The following RGS8 variants were observed in gnomAD, a reference collection of about 807,000 sequenced individuals.
RGS8 encodes the protein regulator of G protein signaling 8, also known as regulator of G-protein signaling 8.
A neutral mutation model predicts 21.7 loss-of-function variants in RGS8; 8 were observed. The observed-to-expected ratio is 0.37, with a 90% confidence interval of 0.22 to 0.66. RGS8 has a LOEUF of 0.66. Among genes scored for constraint, RGS8 ranks in the 30% least tolerant of loss-of-function variants. The pLI is 0.59. For synonymous variants in RGS8, 80 were observed against 83.6 expected (o/e 0.96, Z 0.24); for missense variants, 157 against 217.9 (o/e 0.72, Z 1.76).
upstream of RGS8, among the ~76,000 whole-genome samples, chr1:182,688,408 TGAAAGGGAGAA>T (rs1174677138): frequency 1.3e-5 from 2 of 150,948 alleles, no homozygotes; most frequent in African/African-American, 2.4e-5. Context: ...AAGGAAAGAA[TGAAAGGGAGAA>T]GAAAGATGAG....
chr1:182,719,936 T>C, the RGS8 span, among the ~76,000 whole-genome samples: 1 of 152,314 alleles, frequency 6.6e-6, no homozygotes, highest in South Asian at 2.1e-4. Context: ...TTTCTTCTAG[T>C]CTAATCAGTT....
upstream of RGS8, among the ~76,000 whole-genome samples, chr1:182,676,116 C>G (rs72727010): frequency 8.1e-3 from 1,239 of 152,280 alleles, 12 homozygotes; most frequent in South Asian, 0.024. Context: ...TGCAAACTAA[C>G]CCAATAGCCT....
the RGS8 span, among the ~76,000 whole-genome samples, chr1:182,741,917 C>G: frequency 9.9e-5 from 14 of 141,870 alleles, no homozygotes; most frequent in Non-Finnish European, 3.2e-5. Context: ...AGGTGGCTGC[C>G]GGGCGGAGAC....
At chr1:182,744,394 T>C in the RGS8 span, among the ~76,000 whole-genome samples, 2 of 152,146 alleles carry the variant, frequency 1.3e-5, no homozygotes, top group African/African-American at 2.4e-5. Flanking sequence ...TCCCAAAGTG[T>C]TGGGATTACA....
chr1:182,705,220 A>C, the RGS8 span, among the ~76,000 whole-genome samples: 3 of 152,218 alleles, frequency 2.0e-5, no homozygotes, highest in East Asian at 3.8e-4. Context: ...AGCCCATGAC[A>C]CATGGTAAAA....
chr1:182,723,284 C>T, the RGS8 span, among the ~76,000 whole-genome samples: 1 of 152,102 alleles, frequency 6.6e-6, no homozygotes, highest in Non-Finnish European at 1.5e-5. Context: ...AATTACAGTC[C>T]AGCCATCAGT....
the RGS8 span, among the ~76,000 whole-genome samples, chr1:182,717,259 C>A: frequency 6.6e-6 from 1 of 152,184 alleles, no homozygotes. Flanking sequence ...AAAGTGAAAA[C>A]CATCCTCATC....
chr1:182,646,889 G>A (rs774662091), exon 7 of RGS8: 1 of 1,613,982 alleles, frequency 6.2e-7, no homozygotes, highest in Admixed American at 1.7e-5. Flanking sequence ...CTTCCTCGTG[G>A]CTTCTCGGGT....
At chr1:182,692,211 G>A in the RGS8 span, among the ~76,000 whole-genome samples, 2 of 151,914 alleles carry the variant, frequency 1.3e-5, no homozygotes, top group Non-Finnish European at 2.9e-5. Flanking sequence ...CAGCACGTTG[G>A]TCAGGCTGGT....
At chr1:182,750,881 G>T in the RGS8 span, among the ~76,000 whole-genome samples, 1 of 152,160 alleles carries the variant, frequency 6.6e-6, no homozygotes, top group South Asian at 2.1e-4. Flanking sequence ...ACAACTTAAG[G>T]CAGAATGTAA....
chr1:182,689,300 CA>C (rs1557906945), upstream of RGS8, among the ~76,000 whole-genome samples: 25 of 140,200 alleles, frequency 1.8e-4, no homozygotes, highest in Admixed American at 4.3e-4. Context: ...CACACACACA[CA>C]CACACCCCAC....
chr1:182,691,751 G>C, the RGS8 span, among the ~76,000 whole-genome samples: 1 of 151,242 alleles, frequency 6.6e-6, no homozygotes, highest in Non-Finnish European at 1.5e-5. Context: ...CCCCTTGAAA[G>C]CTGGAACAAG....
upstream of RGS8, among the ~76,000 whole-genome samples, chr1:182,675,532 A>T (rs369386622): frequency 3.9e-5 from 6 of 152,180 alleles, no homozygotes; most frequent in East Asian, 5.8e-4. Flanking sequence ...GATGGGCTCC[A>T]TTGCACCTCC....
At position 182,665,852 on chromosome 1, in the gene RGS8, G is replaced by A. The variant is rs1663830920; in HGVS notation, c.193+117C>T. ...AGGCAGGAGGCTCTGTGAGAGCGGG[G>A]CCCACAGAGGTCTGGAACACCTAGT... On this transcript the variant is annotated intron_variant, in intron 5 of 6. Coordinates refer to ENST00000483095, the Ensembl canonical transcript of RGS8. 9.5e-6 allele frequency: 7 copies of A among 738,008 alleles called. No individual in the cohort carries two copies. In the South Asian group the frequency reaches 1.0e-4, roughly 11 times the overall value. 45.7% of individuals were successfully genotyped at this position (738,008 alleles called of 1,614,324 possible).
chr1:182,712,262 G>C, the RGS8 span, among the ~76,000 whole-genome samples: 2 of 152,194 alleles, frequency 1.3e-5, no homozygotes, highest in Non-Finnish European at 2.9e-5. Flanking sequence ...GAAAATGTGA[G>C]TTTTTCCTGA....
chr1:182,677,392 T>C (rs559546766), upstream of RGS8, among the ~76,000 whole-genome samples: 16 of 152,380 alleles, frequency 1.1e-4, no homozygotes, highest in African/African-American at 3.4e-4. Flanking sequence ...TTTTCAACTA[T>C]ATTTTATCAT....
At chr1:182,697,638 A>G in the RGS8 span, among the ~76,000 whole-genome samples, 1 of 152,262 alleles carries the variant, frequency 6.6e-6, no homozygotes, top group South Asian at 2.1e-4. Context: ...CTGAATCCTT[A>G]TTGAAAGACA....
intron 5 of RGS8, among the ~76,000 whole-genome samples, chr1:182,659,876 A>T (rs1242766908): frequency 6.6e-6 from 1 of 152,116 alleles, no homozygotes; most frequent in Non-Finnish European, 1.5e-5. Flanking sequence ...TACATCCTCA[A>T]TGGAATTCCC....
the RGS8 span, among the ~76,000 whole-genome samples, chr1:182,722,378 A>C: frequency 2.0e-5 from 3 of 151,642 alleles, no homozygotes; most frequent in South Asian, 2.1e-4. Context: ...AAAAAAAAAA[A>C]AAAAAAAAAC....
Sources: gnomAD v4.1 joint callset for allele counts (sites outside exome capture counted in the v4.1 genomes callset) on GRCh38, gnomAD v4.1.1 for gene constraint, MANE v1.5 for transcripts, NCBI Gene and HGNC (gene_info 2026-07-23, HGNC 2026-07-21) for gene names.